BTBD9: variants seen among roughly 807,000 people sequenced by gnomAD.
BTBD9 encodes BTB domain containing 9, also known as BTB/POZ domain-containing protein 9.
A neutral mutation model predicts 64.3 loss-of-function variants in BTBD9; 49 were observed. The observed-to-expected ratio is 0.76, with a 90% CI of 0.61 to 0.97. The LOEUF is 0.97. BTBD9 is among the 50% of genes least tolerant of loss of function. BTBD9 has a pLI of 0.00. For missense variants in BTBD9, 598 were observed against 762.1 expected, an observed-to-expected ratio of 0.78 and a Z score of 2.53; for synonymous variants, 260 against 274.7, an observed-to-expected ratio of 0.95 and a Z score of 0.53.
chr6:38,440,703 T>A (rs993085761), intron 6 of BTBD9, among the ~76,000 whole-genome samples: 3 of 152,224 alleles, frequency 2.0e-5, no homozygotes, highest in Non-Finnish European at 4.4e-5. Context: ...ATGTCAAATT[T>A]ATGGCATAAT....
intron 9 of BTBD9, among the ~76,000 whole-genome samples, chr6:38,212,271 CG>C (rs1762860674): frequency 6.6e-6 from 1 of 152,106 alleles, no homozygotes; most frequent in Non-Finnish European, 1.5e-5. Context: ...GTGAGGTGGA[CG>C]CAACACTGGG....
intron 6 of BTBD9, chr6:38,482,079 G>C (rs1334533824): frequency 6.6e-6 from 1 of 152,186 alleles, no homozygotes; most frequent in East Asian, 1.9e-4. Flanking sequence ...CAAGAAGAAA[G>C]CATTTGGAGA....
intron 1 of BTBD9, among the ~76,000 whole-genome samples, chr6:38,638,064 T>G (rs925613227): frequency 6.6e-6 from 1 of 152,136 alleles, no homozygotes; most frequent in Non-Finnish European, 1.5e-5. Flanking sequence ...ACAACCAAAT[T>G]CACATTATTA....
chr6:38,585,776 A>T (rs1359086898), intron 4 of BTBD9, among the ~76,000 whole-genome samples: 1 of 152,210 alleles, frequency 6.6e-6, no homozygotes. Flanking sequence ...GCTACTAGGT[A>T]GGTGCTTGAA....
intron 8 of BTBD9, among the ~76,000 whole-genome samples, chr6:38,287,111 C>CACACACAT (rs1561974711): frequency 2.1e-5 from 1 of 46,956 alleles, no homozygotes; most frequent in Admixed American, 2.3e-4. Flanking sequence ...AAAAAATATA[C>CACACACAT]ACACACACAC....
At chr6:38,301,467 T>C (rs574953530) in intron 7 of BTBD9, among the ~76,000 whole-genome samples, 35 of 152,334 alleles carry the variant, frequency 2.3e-4, no homozygotes, top group Admixed American at 2.2e-3. Flanking sequence ...CTGGTAGAAT[T>C]TGGCTGTGAA....
intron 6 of BTBD9, among the ~76,000 whole-genome samples, chr6:38,494,056 T>G (rs911760802): frequency 6.6e-6 from 1 of 152,204 alleles, no homozygotes; most frequent in South Asian, 2.1e-4. Flanking sequence ...TATAAATCCT[T>G]TATCTTTTTA....
rs1762633444 is a variant in BTBD9, at chr6:38,205,974, A to AATGGG, written c.1563-13382_1563-13378dup. Reference sequence around the variant, plus strand: ...TAAAGGCAAGAAGAATTCCTAAGATAATGGGATGGGAGATCCCAGGATGAG... The same window carrying AATGGG: ...TAAAGGCAAGAAGAATTCCTAAGATAATGGGATGGGATGGGAGATCCCAGGATGAG... On this transcript the variant is annotated intron_variant, in intron 9 of 10. Transcript: ENST00000481247. 4.0e-5 allele frequency among the ~76,000 whole-genome samples: 6 copies of AATGGG among 151,780 alleles called. No individual in the cohort carries two copies. The South Asian group carries it at 1.3e-3, about 32-fold the overall frequency.
chr6:38,333,296 C>T (rs1443353281), intron 7 of BTBD9, among the ~76,000 whole-genome samples: 6 of 152,170 alleles, frequency 3.9e-5, no homozygotes, highest in Admixed American at 3.9e-4. Context: ...TAAGTCTTTC[C>T]TTATTCATCA....
At position 38,374,283 on chromosome 6, in the gene BTBD9, G is replaced by GTATATATATATATACATATA. The variant is rs57568036; in HGVS notation, c.1155-29191_1155-29190insTATATGTATATATATATATA. On this transcript the variant is annotated intron_variant, in intron 6 of 10. Transcript: ENST00000481247. ...GGCCTTGTGTCGAAAAAAAAAAAAA[G>GTATATATATATATACATATA]TATATATATATATGTATATATATGT... is the stretch of plus-strand genomic sequence containing the variant. Among the ~76,000 whole-genome samples, 14 of 45,468 alleles carry GTATATATATATATACATATA rather than the reference G, an allele frequency of 3.1e-4. No individual in the cohort carries two copies. In the East Asian group the frequency reaches 5.9e-3, roughly 19 times the overall value. 29.8% of individuals were successfully genotyped at this position (45,468 alleles called of 152,430 possible). A position where few individuals can be genotyped will look rare whatever the true frequency, so the allele number is the denominator to read the frequency against.
intron 6 of BTBD9, among the ~76,000 whole-genome samples, chr6:38,529,978 G>A (rs539014993): frequency 5.5e-4 from 84 of 152,268 alleles, no homozygotes; most frequent in Middle Eastern, 3.4e-3. Context: ...GGACGTGTAA[G>A]TAGGGAAGAG....
At chr6:38,258,591 T>G (rs1451233833) in intron 8 of BTBD9, among the ~76,000 whole-genome samples, 1 of 152,176 alleles carries the variant, frequency 6.6e-6, no homozygotes, top group East Asian at 1.9e-4. Context: ...ATCTATTCTT[T>G]GTAACTACAG....
chr6:38,498,672 C>A (rs1772062842), intron 6 of BTBD9, among the ~76,000 whole-genome samples: 1 of 152,112 alleles, frequency 6.6e-6, no homozygotes, highest in African/African-American at 2.4e-5. Context: ...TATTTCTACA[C>A]ACCATCCAAT....
chr6:38,532,271 A>C (rs905780001), intron 6 of BTBD9, among the ~76,000 whole-genome samples: 2 of 152,216 alleles, frequency 1.3e-5, no homozygotes, highest in African/African-American at 4.8e-5. Flanking sequence ...GGGAATTGCC[A>C]ATCCCGGCAG....
At chr6:38,275,941 G>A (rs920608475) in intron 8 of BTBD9, among the ~76,000 whole-genome samples, 5 of 152,006 alleles carry the variant, frequency 3.3e-5, no homozygotes, top group African/African-American at 7.2e-5. Flanking sequence ...TCAGTGTGGC[G>A]ATTCCTCAGG....
intron 8 of BTBD9, among the ~76,000 whole-genome samples, chr6:38,260,537 T>TAAAAA (rs956541980): frequency 6.6e-6 from 1 of 151,922 alleles, no homozygotes; most frequent in African/African-American, 2.4e-5. Flanking sequence ...ATGGAGAAGA[T>TAAAAA]AAAAAAAAGA....
At chr6:38,196,428 T>C (rs1477277064) in intron 9 of BTBD9, among the ~76,000 whole-genome samples, 5 of 152,048 alleles carry the variant, frequency 3.3e-5, no homozygotes, top group Non-Finnish European at 7.4e-5. Context: ...ATTCAGCCAG[T>C]GAGATACAGT....
At chr6:38,530,621 CACAAA>C (rs1235383350) in intron 6 of BTBD9, among the ~76,000 whole-genome samples, 1 of 97,188 alleles carries the variant, frequency 1.0e-5, no homozygotes, top group Non-Finnish European at 2.9e-5. Context: ...CCCCAATACT[CACAAA>C]ACAAACTAAA....
intron 9 of BTBD9, among the ~76,000 whole-genome samples, chr6:38,210,739 T>A (rs1219379568): frequency 6.6e-6 from 1 of 152,246 alleles, no homozygotes; most frequent in Non-Finnish European, 1.5e-5. Flanking sequence ...AAATGTCTAG[T>A]AAGTCTTTTG....
Sources: allele counts gnomAD v4.1 joint callset (sites outside exome capture counted in the v4.1 genomes callset), GRCh38; gene constraint gnomAD v4.1.1; transcripts MANE v1.5; gene names NCBI Gene and HGNC (gene_info 2026-07-23, HGNC 2026-07-21).